The following AQP4 variants were observed in gnomAD, a reference collection of about 807,000 sequenced individuals.
AQP4 encodes the protein aquaporin 4.
A neutral mutation model predicts 27.8 loss-of-function variants in AQP4; 18 were observed. That is an observed-to-expected ratio of 0.65 (90% CI 0.45 to 0.96). The LOEUF is 0.96. AQP4 is among the 40% of genes least tolerant of loss of function. The pLI is 0.00. For missense variants in AQP4, 412 were observed against 408.2 expected, an observed-to-expected ratio of 1.01 and a Z score of -0.08; for synonymous variants, 141 against 142.9, an observed-to-expected ratio of 0.99 and a Z score of 0.10.
Position 26,856,310 on chromosome 18 carries a change from G to A in AQP4, c.873C>T (p.Asp291=). Residue 291 remains aspartate (D), a synonymous_variant, in exon 5 of 5, where the codon GAC becomes GAT. Coordinates refer to ENST00000383168, the MANE Select transcript of AQP4 (RefSeq NM_001650.7). The part of the protein sequence containing the change: ...EDNRSQVETD[D]LILKPGVVHV... ...GCACCACTCCAGGTTTTAGAATCAG[G>A]TCATCCGTCTCTACCTGACTCCTGT... 1 of 1,614,150 alleles carries A rather than the reference G, an allele frequency of 6.2e-7. No homozygotes were observed.
At chr18:26,863,144 C>T (rs1412243319) in intron 1 of AQP4, 1 of 165,756 alleles carries the variant, frequency 6.0e-6, no homozygotes, top group East Asian at 1.7e-4. Context: ...AAAGTGAACT[C>T]ATTGAGGGGA....
rs140954190 is a variant in AQP4 at position 26,861,177 on chromosome 18, A to T, written c.566T>A (p.Ile189Lys). The T allele has an allele frequency of 6.2e-7, 1 of 1,614,036 alleles. No homozygotes were observed. The highest frequency in any genetic ancestry group is 8.5e-7 in the Non-Finnish European group (1 of 1,179,988). Reference protein sequence around the residue: ...DSKRTDVTGSIALAIGFSVAI... With the variant: ...DSKRTDVTGSKALAIGFSVAI... ...AACAGAAAATCCAATTGCTAAAGCT[A>T]TTGAGCCAGTGACATCAGTCCGTTT... Residue 189 changes from isoleucine (I) to lysine (K), a missense_variant, in exon 3 of 5, where the codon ATA becomes AAA. Ile to Lys is a moderately radical substitution (Grantham distance 102, BLOSUM62 -3). Coordinates refer to ENST00000383168, the MANE Select transcript of AQP4 (RefSeq NM_001650.7).
At chr18:26,862,001 ATTTCT>A in intron 2 of AQP4, 176 bp downstream of exon 2, 2 of 731,000 alleles carry the variant, frequency 2.7e-6, no homozygotes, top group South Asian at 3.7e-5. Flanking sequence ...GCAAACAATG[ATTTCT>A]TACAGATATA....
intron 1 of AQP4, 113 bp from the exon 2 acceptor site, chr18:26,862,709 T>C (rs1197243989): frequency 2.9e-6 from 4 of 1,378,370 alleles, no homozygotes; most frequent in Non-Finnish European, 4.1e-6. Context: ...CTGCCAGGCG[T>C]GATTTGCACA....
Position 26,856,061 on chromosome 18 carries a change from T to G in AQP4, c.*150A>C. On this transcript the variant is annotated 3_prime_UTR_variant, in exon 5 of 5. Coordinates refer to ENST00000383168, the MANE Select transcript of AQP4 (RefSeq NM_001650.7). ...TCTTCCGTTCCTCCTTTGTAAATTA[T>G]GAAATATTTATTGTTTAGACTGAGT... The G allele has an allele frequency of 6.3e-6, 6 of 952,100 alleles. No individual in the cohort carries two copies. Among genetic ancestry groups the G allele is most frequent in the Non-Finnish European group, 9.6e-6 (6 of 624,230 alleles). 59.0% of individuals were successfully genotyped at this position (952,100 alleles called of 1,614,324 possible). A position where few individuals can be genotyped will look rare whatever the true frequency, so the allele number is the denominator to read the frequency against.
rs1459258551 is a variant in AQP4, at chr18:26,856,044, T to C, written c.*167A>G. Reference sequence around the variant, plus strand: ...GGAATTCACAATAGGTTTCTTCCGTTCCTCCTTTGTAAATTATGAAATATT... The same window carrying C: ...GGAATTCACAATAGGTTTCTTCCGTCCCTCCTTTGTAAATTATGAAATATT... On this transcript the variant is annotated 3_prime_UTR_variant, in exon 5 of 5. Coordinates refer to ENST00000383168, the MANE Select transcript of AQP4 (RefSeq NM_001650.7). 1 of 849,928 alleles carries C rather than the reference T, an allele frequency of 1.2e-6. No homozygotes were observed. The highest frequency in any genetic ancestry group is 1.8e-6 in the Non-Finnish European group (1 of 546,984). The allele number at this position is 849,928 out of a possible 1,614,324, so 52.6% of individuals were successfully genotyped here. A position where few individuals can be genotyped will look rare whatever the true frequency, so the allele number is the denominator to read the frequency against.
intron 4 of AQP4, among the ~76,000 whole-genome samples, chr18:26,860,205 G>C (rs2054915512): frequency 6.6e-6 from 1 of 152,164 alleles, no homozygotes; most frequent in African/African-American, 2.4e-5. Context: ...CAGTTATGGT[G>C]ATAATAACAT....
rs753460307 is a variant in AQP4, at chr18:26,862,380, G to T, written c.249C>A (p.Thr83=). The part of the protein sequence containing the change: ...ISLCFGLSIA[T]MVQCFGHISG... ...TGATATGGCCAAAGCACTGCACCATGGTTGCAATGCTGAGTCCAAAGCAAA... is the reference window on the plus strand; with the variant it reads ...TGATATGGCCAAAGCACTGCACCATTGTTGCAATGCTGAGTCCAAAGCAAA... Residue 83 remains threonine, a synonymous_variant, in exon 2 of 5, where the codon ACC becomes ACA. Transcript: ENST00000383168. 1 of 1,614,220 alleles carries T rather than the reference G, an allele frequency of 6.2e-7. No individual in the cohort carries two copies. Among genetic ancestry groups the T allele is most frequent in the South Asian group, 1.1e-5 (1 of 91,088 alleles).
intron 2 of AQP4, 115 bp from the exon 3 acceptor site, chr18:26,861,410 C>A (rs2054941970): frequency 2.0e-6 from 2 of 990,020 alleles, no homozygotes; most frequent in Admixed American, 2.1e-5. Context: ...GGTAAGTCTT[C>A]TACCCCACCT....
Position 26,852,518 on chromosome 18 carries a change from A to G in AQP4, c.*3693T>C, listed in dbSNP as rs1316196610. The stretch of plus-strand genomic sequence containing the variant: ...TTTTTGAAATGTATTTTCACAGGCT[A>G]TAGGTAGTCATTTGCAAAGATGGCC... On this transcript the variant is annotated 3_prime_UTR_variant, in exon 5 of 5. Coordinates refer to ENST00000383168, the MANE Select transcript of AQP4 (RefSeq NM_001650.7). The G allele has an allele frequency of 1.5e-5, 4 of 273,940 alleles. No homozygotes were observed. Among genetic ancestry groups the G allele is most frequent in the Non-Finnish European group, 2.7e-5 (4 of 147,454 alleles). 17.0% of individuals were successfully genotyped at this position (273,940 alleles called of 1,614,324 possible). A position where few individuals can be genotyped will look rare whatever the true frequency, so the allele number is the denominator to read the frequency against.
rs1392012818 is a variant in AQP4 at position 26,854,503 on chromosome 18, C to T, written c.*1708G>A. The T allele has an allele frequency of 6.6e-6, 1 of 152,600 alleles. No individual in the cohort carries two copies. Among genetic ancestry groups the T allele is most frequent in the African/African-American group, 2.4e-5 (1 of 41,448 alleles). 9.5% of individuals were successfully genotyped at this position (152,600 alleles called of 1,614,324 possible). The stretch of plus-strand genomic sequence containing the variant: ...CTGAGAAAGGGGCCTGGGATTTAGG[C>T]ACCTGCGGTATGCCAGTGGCACTCC... On this transcript the variant is annotated 3_prime_UTR_variant, in exon 5 of 5. Coordinates refer to ENST00000383168, the MANE Select transcript of AQP4 (RefSeq NM_001650.7).
intron 1 of AQP4, among the ~76,000 whole-genome samples, chr18:26,863,438 G>A (rs1012476442): frequency 6.7e-6 from 1 of 150,308 alleles, no homozygotes; most frequent in African/African-American, 2.4e-5. Context: ...AGGTGCACAC[G>A]CAGAAGCGGC....
intron 4 of AQP4, among the ~76,000 whole-genome samples, chr18:26,858,480 G>T (rs1363239922): frequency 6.6e-6 from 1 of 152,146 alleles, no homozygotes; most frequent in Non-Finnish European, 1.5e-5. Flanking sequence ...TTTAAGCTGA[G>T]GCTGAAGACA....
rs755252858 is a variant in AQP4, at chr18:26,860,759, A to G, written c.693+13T>C. On this transcript the variant is annotated intron_variant, in intron 4 of 4. Transcript: ENST00000383168. ...AACTGTAGGAAGATGGGAACTATCA[A>G]TATGAGGGTTACCCAATGGTTTTCC... The G allele has an allele frequency of 3.7e-6, 6 of 1,607,470 alleles. No homozygotes were observed. The Admixed American group carries it at 8.3e-5, about 22-fold the overall frequency.
intron 4 of AQP4, among the ~76,000 whole-genome samples, chr18:26,856,871 T>C (rs1034749832): frequency 1.3e-5 from 2 of 152,180 alleles, no homozygotes; most frequent in African/African-American, 4.8e-5. Flanking sequence ...ATTTTCTCAA[T>C]ATTGCCATTT....
At position 26,855,152 on chromosome 18, in the gene AQP4, C is replaced by T. The variant is rs1427402448; in HGVS notation, c.*1059G>A. 2 of 152,276 alleles carry T rather than the reference C, an allele frequency of 1.3e-5. No homozygotes were observed. The highest frequency in any genetic ancestry group is 3.9e-4 in the East Asian group (2 of 5,184). 9.4% of individuals were successfully genotyped at this position (152,276 alleles called of 1,614,324 possible). A position where few individuals can be genotyped will look rare whatever the true frequency, so the allele number is the denominator to read the frequency against. ...AGAAGTGAGAGAGCAGAGATTGGGA[C>T]AGGGCCTTTACACCTTCTAGAGTGA... On this transcript the variant is annotated 3_prime_UTR_variant, in exon 5 of 5. Transcript: ENST00000383168.
At chr18:26,858,413 C>T (rs1471678567) in intron 4 of AQP4, among the ~76,000 whole-genome samples, 1 of 152,154 alleles carries the variant, frequency 6.6e-6, no homozygotes, top group Non-Finnish European at 1.5e-5. Flanking sequence ...TTAAAACACC[C>T]TCTGCAAATT....
rs376777815 is a variant in AQP4 at position 26,862,179 on chromosome 18, T to A, written c.447+3A>T. The A allele has an allele frequency of 5.0e-6, 8 of 1,614,098 alleles. No individual in the cohort carries two copies. The highest frequency in any genetic ancestry group is 6.8e-6 in the Non-Finnish European group (8 of 1,179,988). The stretch of plus-strand genomic sequence containing the variant: ...CTAGTTTGAAAATAGCTAAAGATGC[T>A]ACCATGGTGACTCCCAGGCCTCCCA... On this transcript the variant is annotated splice_donor_region_variant and intron_variant, in intron 2 of 4. Coordinates refer to ENST00000383168, the MANE Select transcript of AQP4 (RefSeq NM_001650.7).
In AQP4 at chr18:26,861,309, A is replaced by C; in HGVS notation, c.448-14T>G. Reference sequence around the variant, plus strand: ...ATTTCCATGAACCTAGAGAAAGAAAAATATTCCATCAGAATTGAAGCAAGA... The same window carrying C: ...ATTTCCATGAACCTAGAGAAAGAAACATATTCCATCAGAATTGAAGCAAGA... On this transcript the variant is annotated splice_polypyrimidine_tract_variant and intron_variant, in intron 2 of 4. Coordinates refer to ENST00000383168, the MANE Select transcript of AQP4 (RefSeq NM_001650.7). The C allele has an allele frequency of 6.2e-7, 1 of 1,612,078 alleles. No homozygotes were observed. The highest frequency in any genetic ancestry group is 8.5e-7 in the Non-Finnish European group (1 of 1,178,162).
Sources: gnomAD v4.1 joint callset for allele counts (sites outside exome capture counted in the v4.1 genomes callset) on GRCh38, gnomAD v4.1.1 for gene constraint, MANE v1.5 for transcripts, NCBI Gene and HGNC (gene_info 2026-07-23, HGNC 2026-07-21) for gene names.